PHKG2: variants seen among roughly 807,000 people sequenced by gnomAD.
The protein encoded by PHKG2 is phosphorylase kinase catalytic subunit gamma 2.
In PHKG2, 28 loss-of-function variants were observed where a neutral mutation model predicts 44.5. The ratio of observed to expected loss-of-function variants is 0.63; its 90% CI spans 0.47 to 0.86. The LOEUF is 0.86. Among genes scored for constraint, PHKG2 ranks in the 40% least tolerant of loss-of-function variants. The pLI is 0.00. For missense variants in PHKG2, 498 were observed against 547.5 expected (o/e 0.91, Z 0.90); for synonymous variants, 220 against 211.2 (o/e 1.04, Z -0.36).
Position 30,756,648 on chromosome 16 carries a change from A to G in PHKG2, c.860A>G (p.Gln287Arg). The change falls in exon 9 of 10, where the codon CAG (glutamine) becomes CGG (arginine). Residue 287 changes from glutamine (Q) to arginine (R), a missense_variant. By Grantham distance (43) the Gln-to-Arg change is conservative. Coordinates refer to ENST00000563588, the MANE Select transcript of PHKG2 (RefSeq NM_000294.3). ...CGCCTGACAGCTGAGCAGGCCCTAC[A>G]GCACCCCTTCTTTGAGCGTTGTGAA... is the stretch of plus-strand genomic sequence containing the variant. ...EARLTAEQALQHPFFERCEGS... is the reference protein window; with the variant it reads ...EARLTAEQALRHPFFERCEGS... 2 of 1,614,088 alleles carry G rather than the reference A, an allele frequency of 1.2e-6. No individual in the cohort carries two copies. Among genetic ancestry groups the G allele is most frequent in the South Asian group, 1.1e-5 (1 of 91,088 alleles).
chr16:30,756,383 ATCTTGT>A lies in PHKG2; in HGVS notation c.667_672del (p.Leu223_Phe224del). ...CTTTCCCAGCTGGGCCTGTGGGGTG[ATCTTGT>A]TCACACTCCTGGCTGGCTCGCCACC... On this transcript the variant is annotated inframe_deletion, in exon 8 of 10. Transcript: ENST00000563588. 1 of 1,613,806 alleles carries A rather than the reference ATCTTGT, an allele frequency of 6.2e-7. No individual in the cohort carries two copies. The highest frequency in any genetic ancestry group is 1.3e-5 in the African/African-American group (1 of 74,880).
intron 2 of PHKG2, among the ~76,000 whole-genome samples, chr16:30,749,960 A>T (rs2053323366): frequency 6.8e-6 from 1 of 146,506 alleles, no homozygotes; most frequent in South Asian, 2.1e-4. Flanking sequence ...TATGAGTAGG[A>T]GTTCAGGGGG....
At chr16:30,748,732 G>A in intron 1 of PHKG2, 71 bp from the exon 2 acceptor site, 1 of 446,616 alleles carries the variant, frequency 2.2e-6, no homozygotes, top group Non-Finnish European at 3.6e-6. Flanking sequence ...CTGCGCCCCC[G>A]GGAGCCGCCA....
chr16:30,751,455 A>G, intron 3 of PHKG2, 94 bp from the exon 4 acceptor site: 1 of 1,317,736 alleles, frequency 7.6e-7, no homozygotes, highest in Non-Finnish European at 1.1e-6. Flanking sequence ...CTTCCCAGTA[A>G]CAGCCCGCTG....
At chr16:30,752,001 G>A (rs2053353263) in intron 4 of PHKG2, 1 of 299,000 alleles carries the variant, frequency 3.3e-6, no homozygotes, top group Non-Finnish European at 6.6e-6. Flanking sequence ...GCTGAGGCAG[G>A]AGAATGGCAT....
In PHKG2 at chr16:30,758,358, AC is replaced by A. The variant is rs1159591946; in HGVS notation, c.*1262del. On this transcript the variant is annotated 3_prime_UTR_variant, in exon 10 of 10. Coordinates refer to ENST00000563588, the MANE Select transcript of PHKG2 (RefSeq NM_000294.3). Reference sequence around the variant, plus strand: ...AGTGCTGGGATTACAGTTGTGAGCCACTGCACCTGGCCTGTTCTTTGTTTTT... The same window carrying A: ...AGTGCTGGGATTACAGTTGTGAGCCATGCACCTGGCCTGTTCTTTGTTTTT... 1 of 153,990 alleles carries A rather than the reference AC, an allele frequency of 6.5e-6. No individual in the cohort carries two copies. Among genetic ancestry groups the A allele is most frequent in the Non-Finnish European group, 1.4e-5 (1 of 69,284 alleles). 9.5% of individuals were successfully genotyped at this position (153,990 alleles called of 1,614,324 possible).
At position 30,760,387 on chromosome 16, in the gene PHKG2, G is replaced by A; in HGVS notation, c.*3290G>A. 1 of 1,614,202 alleles carries A rather than the reference G, an allele frequency of 6.2e-7. No homozygotes were observed. Among genetic ancestry groups the A allele is most frequent in the Non-Finnish European group, 8.5e-7 (1 of 1,180,042 alleles). On this transcript the variant is annotated 3_prime_UTR_variant, in exon 10 of 10. Coordinates refer to ENST00000563588, the MANE Select transcript of PHKG2 (RefSeq NM_000294.3). ...AGAAAATGAGCGCGTGGCAGAAGAG[G>A]TCCAGGGTGATGGCGTCCCTCAGGC...
At chr16:30,748,762 T>G in intron 1 of PHKG2, 41 bp from the exon 2 acceptor site, 1 of 1,162,612 alleles carries the variant, frequency 8.6e-7, no homozygotes, top group Non-Finnish European at 1.2e-6. Flanking sequence ...TCTCAGAGCC[T>G]GTGGGCCTCC....
chr16:30,753,379 C>T lies in PHKG2; in HGVS notation c.393-15C>T. The T allele has an allele frequency of 6.2e-7, 1 of 1,614,118 alleles. No individual in the cohort carries two copies. Among genetic ancestry groups the T allele is most frequent in the Non-Finnish European group, 8.5e-7 (1 of 1,180,000 alleles). ...GAGCCGAGGAGGAGACTGCACCCGC[C>T]TCCCCTTCCCCCAGGTCCATCATGC... is the stretch of plus-strand genomic sequence containing the variant. On this transcript the variant is annotated splice_polypyrimidine_tract_variant and intron_variant, in intron 5 of 9. Transcript: ENST00000563588.
At position 30,757,586 on chromosome 16, in the gene PHKG2, G is replaced by A; in HGVS notation, c.*489G>A. On this transcript the variant is annotated 3_prime_UTR_variant, in exon 10 of 10. Transcript: ENST00000563588. ...CTGGCCTTGAGCCGCTCCTCCACCAGCCCCTGGAGCTGCTCCAGCTCTTTG... is the reference window on the plus strand; with the variant it reads ...CTGGCCTTGAGCCGCTCCTCCACCAACCCCTGGAGCTGCTCCAGCTCTTTG... 1 of 1,614,188 alleles carries A rather than the reference G, an allele frequency of 6.2e-7. No individual in the cohort carries two copies. Among genetic ancestry groups the A allele is most frequent in the Non-Finnish European group, 8.5e-7 (1 of 1,180,032 alleles).
At chr16:30,750,198 A>C (rs1324553539) in intron 2 of PHKG2, among the ~76,000 whole-genome samples, 1 of 151,996 alleles carries the variant, frequency 6.6e-6, no homozygotes, top group Non-Finnish European at 1.5e-5. Flanking sequence ...ATGAATTCAG[A>C]TTTGTGTAAA....
intron 2 of PHKG2, 115 bp downstream of exon 2, chr16:30,749,030 G>C: frequency 1.7e-5 from 2 of 115,746 alleles, no homozygotes; most frequent in Admixed American, 4.5e-4. Flanking sequence ...TGGTGGTGGT[G>C]GTGGTGGTGG....
intron 6 of PHKG2, 104 bp downstream of exon 6, chr16:30,753,661 G>A: frequency 8.4e-7 from 1 of 1,187,024 alleles, no homozygotes; most frequent in Non-Finnish European, 1.2e-6. Context: ...AAGAAAAAGG[G>A]AGAAGTCATT....
At position 30,755,030 on chromosome 16, in the gene PHKG2, A is replaced by G. The variant is rs2053398563; in HGVS notation, c.557-1152A>G. ...ATCTCCTGGAAGTGTGCCATGGAAC[A>G]AGGTTCAGAAAGTACTGGAAGAATT... On this transcript the variant is annotated intron_variant, in intron 6 of 9. Coordinates refer to ENST00000563588, the MANE Select transcript of PHKG2 (RefSeq NM_000294.3). 3 of 406,616 alleles carry G rather than the reference A, an allele frequency of 7.4e-6. No homozygotes were observed. The Admixed American group carries it at 8.0e-5, about 11-fold the overall frequency. The allele number at this position is 406,616 out of a possible 1,614,324, so 25.2% of individuals were successfully genotyped here.
rs2053735834 is a variant in PHKG2, at chr16:30,760,986, A to T, written c.*3889A>T. The T allele has an allele frequency of 1.6e-6, 1 of 625,288 alleles. No individual in the cohort carries two copies. Among genetic ancestry groups the T allele is most frequent in the Non-Finnish European group, 2.8e-6 (1 of 359,308 alleles). The allele number at this position is 625,288 out of a possible 1,614,324, so 38.7% of individuals were successfully genotyped here. On this transcript the variant is annotated 3_prime_UTR_variant, in exon 10 of 10. Coordinates refer to ENST00000563588, the MANE Select transcript of PHKG2 (RefSeq NM_000294.3). ...TACTCCTTAGCGGCCATGAGACTCC[A>T]TTTACATTCTGTCTTTGGCTCTTTT...
chr16:30,759,625 A>C lies in PHKG2; in HGVS notation c.*2528A>C, dbSNP rs1425293405. The C allele has an allele frequency of 6.2e-7, 1 of 1,614,076 alleles. No individual in the cohort carries two copies. Among genetic ancestry groups the C allele is most frequent in the East Asian group, 2.2e-5 (1 of 44,886 alleles). On this transcript the variant is annotated 3_prime_UTR_variant, in exon 10 of 10. Coordinates refer to ENST00000563588, the MANE Select transcript of PHKG2 (RefSeq NM_000294.3). ...TGAGACCTTGTCTGGGGATGGGTAA[A>C]GTTTCCAGAATGTTCCAGGGGAACT...
In PHKG2 at chr16:30,748,725, C is replaced by T; in HGVS notation, c.-18-78C>T. 3 of 504,278 alleles carry T rather than the reference C, an allele frequency of 5.9e-6. No homozygotes were observed. The African/African-American group carries it at 6.1e-5, about 10-fold the overall frequency. The allele number at this position is 504,278 out of a possible 1,614,324, so 31.2% of individuals were successfully genotyped here. On this transcript the variant is annotated intron_variant, in intron 1 of 9. Transcript: ENST00000563588. ...CCTGGCGCCCCAGCTGCAAGGGCTG[C>T]GCCCCCGGGAGCCGCCATGCGGGTC...
At position 30,756,881 on chromosome 16, in the gene PHKG2, A is replaced by G; in HGVS notation, c.1005A>G (p.Ala335=). 1 of 1,614,176 alleles carries G rather than the reference A, an allele frequency of 6.2e-7. No individual in the cohort carries two copies. The highest frequency in any genetic ancestry group is 8.5e-7 in the Non-Finnish European group (1 of 1,180,038). ...GTGTACGGCCACTGACCAAGAATGC[A>G]CTGTTGAGGGACCCTTATGCGCTGC... ...THRVRPLTKN[A]LLRDPYALRS... Residue 335 remains alanine, a synonymous_variant, in exon 10 of 10, where the codon GCA becomes GCG. Transcript: ENST00000563588.
Position 30,760,386 on chromosome 16 carries a change from G to T in PHKG2, c.*3289G>T, listed in dbSNP as rs769218304. 2 of 1,614,188 alleles carry T rather than the reference G, an allele frequency of 1.2e-6. No individual in the cohort carries two copies. The highest frequency in any genetic ancestry group is 2.2e-5 in the South Asian group (2 of 91,086). ...CAGAAAATGAGCGCGTGGCAGAAGA[G>T]GTCCAGGGTGATGGCGTCCCTCAGG... On this transcript the variant is annotated 3_prime_UTR_variant, in exon 10 of 10. Coordinates refer to ENST00000563588, the MANE Select transcript of PHKG2 (RefSeq NM_000294.3).
Sources: allele counts gnomAD v4.1 joint callset (sites outside exome capture counted in the v4.1 genomes callset), GRCh38; gene constraint gnomAD v4.1.1; transcripts MANE v1.5; gene names NCBI Gene and HGNC (gene_info 2026-07-23, HGNC 2026-07-21).